MYT1L: variants seen among roughly 807,000 people sequenced by gnomAD.
MYT1L encodes the protein myelin transcription factor 1 like.
A neutral mutation model predicts 126.7 loss-of-function variants in MYT1L; 12 were observed. That is an observed-to-expected ratio of 0.09 (90% CI 0.06 to 0.15). MYT1L has a LOEUF of 0.15. Among genes scored for constraint, MYT1L ranks in the 10% least tolerant of loss-of-function variants. The pLI, the probability that MYT1L is intolerant of heterozygous loss-of-function variation, is 1.00. For synonymous variants in MYT1L, 541 were observed against 604.2 expected (o/e 0.90, Z 1.53); for missense variants, 979 against 1,585.2 (o/e 0.62, Z 6.49).
chr2:1,846,544 A>G (rs1441937846), intron 19 of MYT1L, among the ~76,000 whole-genome samples: 1 of 152,214 alleles, frequency 6.6e-6, no homozygotes, highest in African/African-American at 2.4e-5. Flanking sequence ...GGACAGCTCC[A>G]GCGAGAAAGG....
In MYT1L at chr2:2,301,429, C is replaced by G. The variant is rs577198196; in HGVS notation, c.-520-16926G>C. On this transcript the variant is annotated intron_variant, in intron 1 of 24. Transcript: ENST00000647738. ...AAGCATTCAACTCACCTTTTTCAGCCTTATTATGTGTCAGGCACTGCCCTC... is the reference window on the plus strand; with the variant it reads ...AAGCATTCAACTCACCTTTTTCAGCGTTATTATGTGTCAGGCACTGCCCTC... Among the ~76,000 whole-genome samples the G allele has an allele frequency of 9.9e-4, 150 of 152,196 alleles. 1 individual carries two copies. The Middle Eastern group carries it at 0.021, about 21-fold the overall frequency.
At chr2:1,810,104 A>G (rs1207914295) in intron 21 of MYT1L, 1 of 146,800 alleles carries the variant, frequency 6.8e-6, no homozygotes, top group Non-Finnish European at 1.5e-5. Flanking sequence ...ACTATGGGTG[A>G]GGTGAAAAAC....
intron 3 of MYT1L, among the ~76,000 whole-genome samples, chr2:2,145,194 G>C (rs1017700966): frequency 1.3e-5 from 2 of 152,198 alleles, no homozygotes; most frequent in Admixed American, 6.5e-5. Flanking sequence ...TGGCTCTGAA[G>C]GTGTGGCCTC....
chr2:2,175,904 G>C (rs1031147569), intron 2 of MYT1L, among the ~76,000 whole-genome samples: 1 of 152,202 alleles, frequency 6.6e-6, no homozygotes, highest in Non-Finnish European at 1.5e-5. Context: ...ACAGCCGTAG[G>C]AGCTCCTTGC....
chr2:2,143,132 T>C (rs1323325399), intron 3 of MYT1L, among the ~76,000 whole-genome samples: 1 of 150,628 alleles, frequency 6.6e-6, no homozygotes. Context: ...CTACTAAAAA[T>C]ACAAAAAATT....
intron 4 of MYT1L, among the ~76,000 whole-genome samples, chr2:2,015,913 G>C (rs2064335327): frequency 6.6e-6 from 1 of 152,334 alleles, no homozygotes; most frequent in Non-Finnish European, 1.5e-5. Context: ...AGGAATATGG[G>C]TGGGACTCCC....
chr2:2,085,551 C>A (rs1196838349), intron 3 of MYT1L, among the ~76,000 whole-genome samples: 1 of 152,170 alleles, frequency 6.6e-6, no homozygotes, highest in Non-Finnish European at 1.5e-5. Context: ...AAAGGCTTGT[C>A]ATGCTCTGCC....
intron 4 of MYT1L, among the ~76,000 whole-genome samples, chr2:2,002,309 C>A (rs1269592584): frequency 1.3e-5 from 2 of 152,184 alleles, no homozygotes; most frequent in Non-Finnish European, 2.9e-5. Context: ...GCCTTGACCT[C>A]TTCTAGCCCA....
Position 1,923,066 on chromosome 2 carries a change from C to A in MYT1L, c.703G>T (p.Asp235Tyr). The A allele has an allele frequency of 6.2e-7, 1 of 1,614,032 alleles. No individual in the cohort carries two copies. The highest frequency in any genetic ancestry group is 8.5e-7 in the Non-Finnish European group (1 of 1,179,904). Residue 235 changes from aspartate to tyrosine, a missense_variant, in exon 10 of 25, where the codon GAC becomes TAC. By Grantham distance (160) the Asp-to-Tyr change is radical. Transcript: ENST00000647738. ...MNSNTSNSLE[D>Y]DSDKNENLGR... ...AGGTTTTCGTTTTTGTCACTATCGT[C>A]TTCCAGACTATTGGAGGTATTGCTG...
chr2:1,902,216 A>T (rs2050438020), intron 14 of MYT1L, among the ~76,000 whole-genome samples: 1 of 152,260 alleles, frequency 6.6e-6, no homozygotes, highest in African/African-American at 2.4e-5. Flanking sequence ...CTTTGTAGTG[A>T]AATGGTAACT....
At chr2:2,022,855 G>A (rs781102144) in intron 4 of MYT1L, among the ~76,000 whole-genome samples, 15 of 152,222 alleles carry the variant, frequency 9.9e-5, no homozygotes, top group Non-Finnish European at 1.8e-4. Flanking sequence ...CTGCCTACCT[G>A]CGACCAAATA....
intron 1 of MYT1L, among the ~76,000 whole-genome samples, chr2:2,313,496 G>T (rs1041533708): frequency 6.6e-6 from 1 of 150,732 alleles, no homozygotes; most frequent in African/African-American, 2.4e-5. Context: ...TACTTAGTTT[G>T]AAATTAGTTT....
intron 18 of MYT1L, among the ~76,000 whole-genome samples, chr2:1,866,684 GCA>G: frequency 1.2e-5 from 1 of 81,234 alleles, no homozygotes; most frequent in African/African-American, 5.4e-5. Flanking sequence ...AGAGAGAGAG[GCA>G]GAGAGAGAGG....
rs1458511008 is a variant in MYT1L at position 1,917,517 on chromosome 2, C to T, written c.1484-178G>A. Among the ~76,000 whole-genome samples the T allele has an allele frequency of 1.3e-5, 2 of 152,112 alleles. No individual in the cohort carries two copies. The highest frequency in any genetic ancestry group is 2.9e-5 in the Non-Finnish European group (2 of 68,020). On this transcript the variant is annotated intron_variant, in intron 10 of 24. Coordinates refer to ENST00000647738, the MANE Select transcript of MYT1L (RefSeq NM_001303052.2). The surrounding 1 kb of genome is among the most constrained non-coding windows in gnomAD (Gnocchi z 5.9). Reference sequence around the variant, plus strand: ...TTGGTTTTGGGTGACTTTTTTCAACCTTACACAGTATAATCATGAATCATA... The same window carrying T: ...TTGGTTTTGGGTGACTTTTTTCAACTTTACACAGTATAATCATGAATCATA...
chr2:1,990,211 C>T lies in MYT1L; in HGVS notation c.-1+6980G>A, dbSNP rs375564632. On this transcript the variant is annotated intron_variant, in intron 5 of 24. Coordinates refer to ENST00000647738, the MANE Select transcript of MYT1L (RefSeq NM_001303052.2). ...CTGATGCTCCCCATTCCTGGGCGGA[C>T]GCCATCTCTTGTGGGAACTCACAGT... Among the ~76,000 whole-genome samples, 54 of 152,366 alleles carry T rather than the reference C, an allele frequency of 3.5e-4. 1 individual carries two copies. In the South Asian group the frequency reaches 5.4e-3, roughly 15 times the overall value.
chr2:1,879,661 TG>T (rs2047309803), intron 18 of MYT1L, among the ~76,000 whole-genome samples: 1 of 152,148 alleles, frequency 6.6e-6, no homozygotes, highest in African/African-American at 2.4e-5. Flanking sequence ...GTAATATATG[TG>T]TATATATATT....
At chr2:1,805,042 G>A (rs536844167) in intron 22 of MYT1L, among the ~76,000 whole-genome samples, 1 of 152,318 alleles carries the variant, frequency 6.6e-6, no homozygotes, top group Admixed American at 6.5e-5. Context: ...TTCTGCAAAA[G>A]GGTTCTGAAG....
At chr2:1,826,645 CT>C (rs2039387066) in intron 21 of MYT1L, among the ~76,000 whole-genome samples, 1 of 152,190 alleles carries the variant, frequency 6.6e-6, no homozygotes, top group Non-Finnish European at 1.5e-5. Flanking sequence ...GTCTGAGGTG[CT>C]TTTAGGACGC....
chr2:1,922,380 C>T lies in MYT1L; in HGVS notation c.1389G>A (p.Arg463=). The T allele has an allele frequency of 6.2e-7, 1 of 1,613,942 alleles. No homozygotes were observed. Among genetic ancestry groups the T allele is most frequent in the South Asian group, 1.1e-5 (1 of 91,078 alleles). The change falls in exon 10 of 25, where the codon AGG becomes AGA. Residue 463 remains arginine (R), a synonymous_variant. Coordinates refer to ENST00000647738, the MANE Select transcript of MYT1L (RefSeq NM_001303052.2). This position sits in a 1 kb window ranked among gnomAD's most constrained non-coding sequence, Gnocchi z 7.4. Reference sequence around the variant, plus strand: ...GTCTCGGAGACTGGTCCTCATATGACCTCATATTGTCCCTCCTCCCAGCTT... The same window carrying T: ...GTCTCGGAGACTGGTCCTCATATGATCTCATATTGTCCCTCCTCCCAGCTT... ...AMEAGRRDNM[R]SYEDQSPRQL...
Sources: allele counts gnomAD v4.1 joint callset (sites outside exome capture counted in the v4.1 genomes callset), GRCh38; gene constraint gnomAD v4.1.1; non-coding constraint Gnocchi (gnomAD v3.1); transcripts MANE v1.5; gene names NCBI Gene and HGNC (gene_info 2026-07-23, HGNC 2026-07-21).